PRKCA: variants seen among roughly 807,000 people sequenced by gnomAD.
The protein encoded by PRKCA is protein kinase C alpha type.
PRKCA carries 27 observed loss-of-function variants against 87.0 expected under a neutral mutation model. That is an observed-to-expected ratio of 0.31 (90% CI 0.23 to 0.43). The LOEUF (loss-of-function observed/expected upper bound fraction) is 0.43. Among genes scored for constraint, PRKCA ranks in the 20% least tolerant of loss-of-function variants. The probability of loss-of-function intolerance (pLI) is 1.00; values close to 1 mark genes in which losing one functional copy is unlikely to be tolerated. For missense variants in PRKCA, 518 were observed against 852.3 expected, an observed-to-expected ratio of 0.61 and a Z score of 4.88; for synonymous variants, 329 against 311.1, an observed-to-expected ratio of 1.06 and a Z score of -0.61.
chr17:66,588,809 T>A (rs981257836), intron 3 of PRKCA, among the ~76,000 whole-genome samples: 1 of 151,916 alleles, frequency 6.6e-6, no homozygotes, highest in African/African-American at 2.4e-5. Context: ...CTCGGCTGAT[T>A]TTTTGCATTT....
intron 8 of PRKCA, among the ~76,000 whole-genome samples, chr17:66,727,433 C>G (rs1973784072): frequency 6.6e-6 from 1 of 152,048 alleles, no homozygotes; most frequent in African/African-American, 2.4e-5. Flanking sequence ...GGCCGTGGCA[C>G]TGGTGGGTAG....
chr17:66,508,932 A>C (rs1917096330), intron 3 of PRKCA, among the ~76,000 whole-genome samples: 2 of 152,148 alleles, frequency 1.3e-5, no homozygotes, highest in African/African-American at 4.8e-5. Context: ...CAGCGGCCTC[A>C]CTGGCTGTTA....
chr17:66,692,304 T>A (rs1972805758), intron 8 of PRKCA, among the ~76,000 whole-genome samples: 2 of 152,194 alleles, frequency 1.3e-5, no homozygotes, highest in East Asian at 3.8e-4. Context: ...TAGAGCATTT[T>A]AAAAAAACAC....
At chr17:66,393,931 C>T (rs757104026) in intron 2 of PRKCA, among the ~76,000 whole-genome samples, 3 of 151,934 alleles carry the variant, frequency 2.0e-5, no homozygotes, top group Non-Finnish European at 2.9e-5. Flanking sequence ...AAAATTGGCC[C>T]GGGCATGGTG....
chr17:66,632,470 C>T (rs1470745500), intron 3 of PRKCA, among the ~76,000 whole-genome samples: 6 of 152,108 alleles, frequency 3.9e-5, no homozygotes, highest in African/African-American at 1.2e-4. Context: ...AACTTGACCT[C>T]CTGGGCTCAA....
chr17:66,477,775 G>A (rs371026317), intron 2 of PRKCA, among the ~76,000 whole-genome samples: 7 of 152,280 alleles, frequency 4.6e-5, no homozygotes, highest in African/African-American at 1.7e-4. Flanking sequence ...GTACACTTCA[G>A]GGGTTTCTAG....
At chr17:66,475,807 G>T (rs1445279208) in intron 2 of PRKCA, among the ~76,000 whole-genome samples, 1 of 152,192 alleles carries the variant, frequency 6.6e-6, no homozygotes, top group African/African-American at 2.4e-5. Context: ...ATTGTGGAAC[G>T]AGAGATTTTG....
intron 2 of PRKCA, among the ~76,000 whole-genome samples, chr17:66,413,029 A>C (rs1311361303): frequency 6.7e-6 from 1 of 148,668 alleles, no homozygotes; most frequent in African/African-American, 2.6e-5. Flanking sequence ...CCAGCTGTGT[A>C]GTTCAGTTCA....
Position 66,491,362 on chromosome 17 carries a change from A to G in PRKCA, c.206-4839A>G, listed in dbSNP as rs149537655. On this transcript the variant is annotated intron_variant, in intron 2 of 16. Coordinates refer to ENST00000413366, the MANE Select transcript of PRKCA (RefSeq NM_002737.3). Reference sequence around the variant, plus strand: ...TGAGTGAGTTTTTGTTGGATAGCCTATGCTTGCTTGAGCAAAGACTTGTTT... The same window carrying G: ...TGAGTGAGTTTTTGTTGGATAGCCTGTGCTTGCTTGAGCAAAGACTTGTTT... Among the ~76,000 whole-genome samples, 533 of 152,324 alleles carry G rather than the reference A, an allele frequency of 3.5e-3. 3 individuals are homozygous for G. The highest frequency in any genetic ancestry group is 0.012 in the African/African-American group (499 of 41,570).
rs1344587246 is a variant in PRKCA, at chr17:66,806,898, T to C, written c.*2861T>C. 1 of 152,300 alleles carries C rather than the reference T, an allele frequency of 6.6e-6. No homozygotes were observed. Among genetic ancestry groups the C allele is most frequent in the Non-Finnish European group, 1.5e-5 (1 of 68,134 alleles). 9.4% of individuals were successfully genotyped at this position (152,300 alleles called of 1,614,324 possible). A position where few individuals can be genotyped will look rare whatever the true frequency, so the allele number is the denominator to read the frequency against. ...GTCAAAATCAGGGCCCGGTGCAGTG[T>C]TGTCATGTGGAACCTGCTTTATCCA... On this transcript the variant is annotated 3_prime_UTR_variant, in exon 17 of 17. Transcript: ENST00000413366.
chr17:66,741,648 T>G lies in PRKCA; in HGVS notation c.1323-11T>G, dbSNP rs376593087. 2.9e-5 allele frequency: 47 copies of G among 1,614,058 alleles called. No individual in the cohort carries two copies. Among genetic ancestry groups the G allele is most frequent in the Non-Finnish European group, 3.7e-5 (44 of 1,180,010 alleles). ...GCAAGTGAGAAACCTGAAGCCCGTT[T>G]TCTTTTGCAGATTCTATGCGGCAGA... On this transcript the variant is annotated splice_polypyrimidine_tract_variant and intron_variant, in intron 11 of 16. Transcript: ENST00000413366.
chr17:66,424,568 A>AAAAACACACACACACACACACAC (rs1555602396), intron 2 of PRKCA, among the ~76,000 whole-genome samples: 1 of 141,950 alleles, frequency 7.0e-6, no homozygotes, highest in South Asian at 2.4e-4. Context: ...CCCTGTCTCA[A>AAAAACACACACACACACACACAC]ACACACACAC....
intron 13 of PRKCA, among the ~76,000 whole-genome samples, chr17:66,757,972 G>T (rs9901865): frequency 0.016 from 2,504 of 152,274 alleles, 71 homozygotes; most frequent in African/African-American, 0.058. Context: ...TGATCCACCC[G>T]CATCAGCCTT....
At chr17:66,619,499 G>A (rs1268051470) in intron 3 of PRKCA, among the ~76,000 whole-genome samples, 1 of 152,146 alleles carries the variant, frequency 6.6e-6, no homozygotes, top group Non-Finnish European at 1.5e-5. Context: ...CTTTCACATG[G>A]CCTATTTTCC....
At chr17:66,593,159 G>A (rs1969865292) in intron 3 of PRKCA, among the ~76,000 whole-genome samples, 1 of 152,200 alleles carries the variant, frequency 6.6e-6, no homozygotes, top group Non-Finnish European at 1.5e-5. Context: ...TTGCGTCAGG[G>A]TGAAGACTAA....
rs866823986 is a variant in PRKCA at position 66,594,620 on chromosome 17, T to A, written c.289-46735T>A. Among the ~76,000 whole-genome samples the A allele has an allele frequency of 4.7e-4, 72 of 152,124 alleles. 1 individual carries two copies. The highest frequency in any genetic ancestry group is 1.9e-3 in the South Asian group (9 of 4,798). ...CATGTGCAACATGTGGGTTTTTTTT[T>A]AATTTATTTGTTTGTTTTTGGCACA... On this transcript the variant is annotated intron_variant, in intron 3 of 16. Coordinates refer to ENST00000413366, the MANE Select transcript of PRKCA (RefSeq NM_002737.3).
chr17:66,391,865 C>T (rs959927677), intron 2 of PRKCA, among the ~76,000 whole-genome samples: 48 of 152,084 alleles, frequency 3.2e-4, no homozygotes, highest in African/African-American at 1.2e-3. Context: ...CCTCCTCTTG[C>T]GCTAGATCAT....
intron 8 of PRKCA, among the ~76,000 whole-genome samples, chr17:66,717,105 TAAG>T (rs951455882): frequency 2.0e-4 from 31 of 152,152 alleles, no homozygotes; most frequent in African/African-American, 6.3e-4. Context: ...TGTGATAGAT[TAAG>T]AAGATACAGA....
chr17:66,633,814 T>C (rs183199705), intron 3 of PRKCA, among the ~76,000 whole-genome samples: 51 of 152,314 alleles, frequency 3.3e-4, no homozygotes, highest in Non-Finnish European at 6.2e-4. Flanking sequence ...AAAACATCAT[T>C]GGTTGCCTGC....
Sources: allele counts gnomAD v4.1 joint callset (sites outside exome capture counted in the v4.1 genomes callset), GRCh38; gene constraint gnomAD v4.1.1; transcripts MANE v1.5; gene names NCBI Gene and HGNC (gene_info 2026-07-23, HGNC 2026-07-21).